Variants in PPP2CB observed in about 807,000 individuals in gnomAD.
PPP2CB encodes the protein protein phosphatase 2 catalytic subunit beta.
PPP2CB carries 18 observed loss-of-function variants against 39.1 expected under a neutral mutation model. That is an observed-to-expected ratio of 0.46 (90% CI 0.32 to 0.68). The LOEUF (loss-of-function observed/expected upper bound fraction) is 0.68, where lower values mean the gene tolerates loss of function less well. Ranked by LOEUF, PPP2CB falls within the 30% of genes least tolerant of loss-of-function variation. The pLI is 0.04. For synonymous variants in PPP2CB, 129 were observed against 133.8 expected, an observed-to-expected ratio of 0.96 and a Z score of 0.25; for missense variants, 226 against 396.9, an observed-to-expected ratio of 0.57 and a Z score of 3.66.
At chr8:30,797,125 T>C (rs938135045) in intron 3 of PPP2CB, among the ~76,000 whole-genome samples, 3 of 152,180 alleles carry the variant, frequency 2.0e-5, no homozygotes, top group African/African-American at 4.8e-5. Context: ...CTAGCCACTG[T>C]GCCCAGCCAA....
chr8:30,802,696 A>G (rs759509119), intron 1 of PPP2CB, among the ~76,000 whole-genome samples: 1 of 152,194 alleles, frequency 6.6e-6, no homozygotes, highest in Non-Finnish European at 1.5e-5. Context: ...CAAACGGAAA[A>G]AACCTGGCTT....
intron 1 of PPP2CB, among the ~76,000 whole-genome samples, chr8:30,804,624 C>T (rs900534008): frequency 6.6e-6 from 1 of 152,086 alleles, no homozygotes; most frequent in Non-Finnish European, 1.5e-5. Context: ...ATCACTGAAC[C>T]TAAGAGTGGT....
intron 1 of PPP2CB, among the ~76,000 whole-genome samples, chr8:30,802,883 A>G (rs1405790054): frequency 6.6e-6 from 1 of 152,232 alleles, no homozygotes; most frequent in African/African-American, 2.4e-5. Flanking sequence ...TGGAAATGAA[A>G]TTCAAATCAA....
rs986226211 is a variant in PPP2CB at position 30,812,690 on chromosome 8, C to A, written c.-269G>T. The A allele has an allele frequency of 1.3e-4, 51 of 393,828 alleles. 1 individual carries two copies. The East Asian group carries it at 4.9e-3, about 38-fold the overall frequency. The allele number at this position is 393,828 out of a possible 1,614,324, so 24.4% of individuals were successfully genotyped here. ...GCGCGCCGCGGGAGTCGGTGAAGGA[C>A]GCGGTGAGGTGCCGGGGAGCGCGGC... On this transcript the variant is annotated 5_prime_UTR_variant, in exon 1 of 7. Coordinates refer to ENST00000221138, the MANE Select transcript of PPP2CB (RefSeq NM_001009552.2).
Position 30,794,283 on chromosome 8 carries a change from T to C in PPP2CB, c.487-2A>G. On this transcript the variant is annotated splice_acceptor_variant, in intron 3 of 6. Transcript: ENST00000221138. LOFTEE classifies it high-confidence loss of function. ...GAGGCCACCATGGAGGCAGAATATC[T>C]ATGTATGAATTAACAAAAGAGAATG... 2 of 1,600,196 alleles carry C rather than the reference T, an allele frequency of 1.2e-6. No homozygotes were observed. The highest frequency in any genetic ancestry group is 1.7e-6 in the Non-Finnish European group (2 of 1,167,904).
chr8:30,797,808 G>GTGAA, intron 2 of PPP2CB, 54 bp from the exon 3 acceptor site: 1 of 1,561,766 alleles, frequency 6.4e-7, no homozygotes, highest in African/African-American at 1.4e-5. Context: ...CTAGTGTCAT[G>GTGAA]TGAAGTACAC....
intron 1 of PPP2CB, 73 bp from the exon 2 acceptor site, chr8:30,799,828 GA>G: frequency 3.7e-6 from 5 of 1,361,530 alleles, no homozygotes; most frequent in Non-Finnish European, 4.1e-6. Flanking sequence ...AAAATTTGGG[GA>G]AAAAAACACT....
chr8:30,792,258 T>C (rs1806450965), intron 5 of PPP2CB, among the ~76,000 whole-genome samples: 1 of 152,170 alleles, frequency 6.6e-6, no homozygotes, highest in African/African-American at 2.4e-5. Context: ...TCTCACCATG[T>C]TGCCCAGGCT....
chr8:30,791,769 A>T (rs1028440305), intron 5 of PPP2CB, among the ~76,000 whole-genome samples: 3 of 151,834 alleles, frequency 2.0e-5, no homozygotes, highest in Admixed American at 6.6e-5. Context: ...AGCCTATCTC[A>T]TTCATATTAT....
chr8:30,791,557 G>T (rs1435235445), intron 5 of PPP2CB: 1 of 316,438 alleles, frequency 3.2e-6, no homozygotes, highest in Admixed American at 5.0e-5. Flanking sequence ...ATCTATGCTT[G>T]AAATCTTGGC....
At chr8:30,794,152 T>A (rs1418217813) in intron 4 of PPP2CB, 40 bp downstream of exon 4, 2 of 1,608,452 alleles carry the variant, frequency 1.2e-6, no homozygotes, top group Non-Finnish European at 1.7e-6. Context: ...TGTGGTTATA[T>A]TTTCTTTTCC....
chr8:30,797,259 A>G (rs192783457), intron 3 of PPP2CB, among the ~76,000 whole-genome samples: 2 of 152,368 alleles, frequency 1.3e-5, no homozygotes, highest in Admixed American at 1.3e-4. Context: ...ATAGTTTTAA[A>G]TAACATCTTG....
chr8:30,811,110 G>A (rs983266497), intron 1 of PPP2CB, among the ~76,000 whole-genome samples: 1 of 152,168 alleles, frequency 6.6e-6, no homozygotes, highest in East Asian at 1.9e-4. Flanking sequence ...AAGATGGAGA[G>A]ATCGAAATAA....
chr8:30,786,836 T>C (rs1806350157), intron 6 of PPP2CB, among the ~76,000 whole-genome samples: 1 of 133,536 alleles, frequency 7.5e-6, no homozygotes, highest in South Asian at 2.3e-4. Flanking sequence ...GCTAATTTTC[T>C]TATTTTTTTT....
intron 1 of PPP2CB, among the ~76,000 whole-genome samples, chr8:30,802,664 A>C (rs2128762053): frequency 6.6e-6 from 1 of 152,328 alleles, no homozygotes; most frequent in African/African-American, 2.4e-5. Flanking sequence ...AATTTTAAAA[A>C]ACAAATTCTG....
chr8:30,785,955 CT>C lies in PPP2CB; in HGVS notation c.*279del. ...AAAAGGAGATGAAGCAGTTAGTTAC[CT>C]TTTTTGCTTGAACAGTCCAAAGGAA... On this transcript the variant is annotated 3_prime_UTR_variant, in exon 7 of 7. Transcript: ENST00000221138. 4 of 568,880 alleles carry C rather than the reference CT, an allele frequency of 7.0e-6. No homozygotes were observed. The highest frequency in any genetic ancestry group is 1.3e-5 in the Non-Finnish European group (4 of 302,334). The allele number at this position is 568,880 out of a possible 1,614,324, so 35.2% of individuals were successfully genotyped here. A position where few individuals can be genotyped will look rare whatever the true frequency, so the allele number is the denominator to read the frequency against.
chr8:30,807,841 C>T (rs931252227), intron 1 of PPP2CB, among the ~76,000 whole-genome samples: 6 of 152,212 alleles, frequency 3.9e-5, no homozygotes, highest in Non-Finnish European at 5.9e-5. Flanking sequence ...GAGTCAAATT[C>T]ACAATTAGCT....
intron 5 of PPP2CB, among the ~76,000 whole-genome samples, chr8:30,792,938 C>T (rs192280119): frequency 9.2e-5 from 14 of 151,930 alleles, no homozygotes; most frequent in Middle Eastern, 3.4e-3. Flanking sequence ...ACTGGGCTGG[C>T]GAAGTTTTCT....
At chr8:30,798,924 G>T (rs1806570842) in intron 2 of PPP2CB, among the ~76,000 whole-genome samples, 1 of 152,126 alleles carries the variant, frequency 6.6e-6, no homozygotes, top group Non-Finnish European at 1.5e-5. Flanking sequence ...ATCGACTATG[G>T]AAATAAACAG....
Sources: allele counts gnomAD v4.1 joint callset (sites outside exome capture counted in the v4.1 genomes callset), GRCh38; gene constraint gnomAD v4.1.1; transcripts MANE v1.5; gene names NCBI Gene and HGNC (gene_info 2026-07-23, HGNC 2026-07-21).